FHIT: variants seen among roughly 807,000 people sequenced by gnomAD.
FHIT encodes the protein fragile histidine triad diadenosine triphosphatase, also known as bis(5'-adenosyl)-triphosphatase.
In FHIT, 19 loss-of-function variants were observed where a neutral mutation model predicts 17.9. The ratio of observed to expected loss-of-function variants is 1.06; its 90% CI spans 0.74 to 1.56. The LOEUF is 1.56. FHIT is among the 40% of genes most tolerant of loss of function. FHIT has a pLI of 0.00. For synonymous variants in FHIT, 81 were observed against 69.7 expected (o/e 1.16, Z -0.81); for missense variants, 248 against 189.2 (o/e 1.31, Z -1.82).
chr3:60,281,752 A>C (rs1707465847), intron 5 of FHIT, among the ~76,000 whole-genome samples: 1 of 152,204 alleles, frequency 6.6e-6, no homozygotes. Context: ...ACAGGGAAAA[A>C]TACTAGATTT....
At chr3:59,779,161 A>G (rs934834586) in intron 8 of FHIT, among the ~76,000 whole-genome samples, 1 of 152,166 alleles carries the variant, frequency 6.6e-6, no homozygotes, top group South Asian at 2.1e-4. Flanking sequence ...CATTGGCCAT[A>G]TATTTGTTGG....
At position 60,421,156 on chromosome 3, in the gene FHIT, T is replaced by C. The variant is rs185693837; in HGVS notation, c.103+115704A>G. Among the ~76,000 whole-genome samples the C allele has an allele frequency of 3.4e-3, 515 of 152,168 alleles. 1 individual carries two copies. The highest frequency in any genetic ancestry group is 8.5e-3 in the Admixed American group (130 of 15,264). Reference sequence around the variant, plus strand: ...ATATTGCTCAGTGGTTTGGGACCCATTTATTTCTACTGCCTCTATCCATCT... The same window carrying C: ...ATATTGCTCAGTGGTTTGGGACCCACTTATTTCTACTGCCTCTATCCATCT... On this transcript the variant is annotated intron_variant, in intron 5 of 9. Coordinates refer to ENST00000492590, the MANE Select transcript of FHIT (RefSeq NM_002012.4).
intron 5 of FHIT, among the ~76,000 whole-genome samples, chr3:60,531,288 T>C (rs1480572711): frequency 6.8e-6 from 1 of 146,764 alleles, no homozygotes; most frequent in Non-Finnish European, 1.5e-5. Context: ...TTTTTTTTTT[T>C]TTTTTTTTGA....
At chr3:60,496,015 G>A (rs1214723479) in intron 5 of FHIT, among the ~76,000 whole-genome samples, 1 of 151,976 alleles carries the variant, frequency 6.6e-6, no homozygotes, top group Admixed American at 6.6e-5. Flanking sequence ...ATGATATCAA[G>A]GCACATATGG....
intron 5 of FHIT, among the ~76,000 whole-genome samples, chr3:60,469,642 A>G (rs1356835563): frequency 6.6e-6 from 1 of 151,484 alleles, no homozygotes; most frequent in East Asian, 2.0e-4. Flanking sequence ...CTCTCTCTCC[A>G]GGATTGGCTA....
chr3:60,818,769 A>G (rs1553738413), intron 4 of FHIT, among the ~76,000 whole-genome samples: 1 of 152,114 alleles, frequency 6.6e-6, no homozygotes, highest in Admixed American at 6.5e-5. Context: ...CAAGATTCTG[A>G]ATTCATTTTC....
At chr3:60,504,601 T>C (rs1188778587) in intron 5 of FHIT, among the ~76,000 whole-genome samples, 1 of 152,158 alleles carries the variant, frequency 6.6e-6, no homozygotes, top group African/African-American at 2.4e-5. Flanking sequence ...AGGAGTCTCA[T>C]GAAGCTTTGA....
At chr3:60,591,599 A>C (rs1439524002) in intron 4 of FHIT, among the ~76,000 whole-genome samples, 1 of 152,094 alleles carries the variant, frequency 6.6e-6, no homozygotes, top group Admixed American at 6.6e-5. Context: ...TTCAAAATCC[A>C]GGTACATTCA....
intron 5 of FHIT, among the ~76,000 whole-genome samples, chr3:60,333,714 A>G (rs943539491): frequency 1.3e-5 from 2 of 152,198 alleles, no homozygotes; most frequent in Non-Finnish European, 2.9e-5. Flanking sequence ...TTATTTTAAT[A>G]AACATAGAAA....
At chr3:59,840,120 A>G (rs1452370693) in intron 8 of FHIT, among the ~76,000 whole-genome samples, 1 of 152,184 alleles carries the variant, frequency 6.6e-6, no homozygotes, top group Non-Finnish European at 1.5e-5. Context: ...TTTCCCTCTG[A>G]CTACAGGTAA....
intron 4 of FHIT, among the ~76,000 whole-genome samples, chr3:60,759,139 T>C (rs752833903): frequency 5.0e-4 from 76 of 152,050 alleles, no homozygotes; most frequent in Non-Finnish European, 9.6e-4. Context: ...AGGGACAAGA[T>C]GAATAGCCTC....
intron 8 of FHIT, among the ~76,000 whole-genome samples, chr3:59,860,849 A>G (rs575775738): frequency 8.5e-5 from 13 of 152,318 alleles, no homozygotes; most frequent in African/African-American, 3.1e-4. Flanking sequence ...AGAAGGTGGG[A>G]ATTATACATT....
intron 5 of FHIT, among the ~76,000 whole-genome samples, chr3:60,030,771 G>T (rs558337821): frequency 6.6e-6 from 1 of 152,048 alleles, no homozygotes; most frequent in African/African-American, 2.4e-5. Context: ...TGGGTGGGTG[G>T]TTTGAAAAAA....
chr3:60,643,260 A>T (rs1380070220), intron 4 of FHIT, among the ~76,000 whole-genome samples: 3 of 151,942 alleles, frequency 2.0e-5, no homozygotes, highest in Non-Finnish European at 4.4e-5. Flanking sequence ...CACAGCATTA[A>T]ATTACTGGAA....
chr3:60,253,820 A>G (rs557725519), intron 5 of FHIT, among the ~76,000 whole-genome samples: 1 of 152,352 alleles, frequency 6.6e-6, no homozygotes, highest in South Asian at 2.1e-4. Flanking sequence ...AAAACGTGGT[A>G]TCCTTCTCCA....
intron 2 of FHIT, among the ~76,000 whole-genome samples, chr3:61,173,519 T>C (rs1316028397): frequency 6.6e-6 from 1 of 152,200 alleles, no homozygotes; most frequent in African/African-American, 2.4e-5. Flanking sequence ...AGGATAGCAT[T>C]TCACTGTATT....
chr3:60,958,358 T>C (rs1456500453), intron 3 of FHIT, among the ~76,000 whole-genome samples: 1 of 152,246 alleles, frequency 6.6e-6, no homozygotes, highest in Non-Finnish European at 1.5e-5. Context: ...GCAAGACTTA[T>C]GTTCCATTTT....
At chr3:60,368,859 T>C (rs1449158016) in intron 5 of FHIT, among the ~76,000 whole-genome samples, 3 of 152,300 alleles carry the variant, frequency 2.0e-5, no homozygotes, top group African/African-American at 7.2e-5. Context: ...AGTCTTTTTT[T>C]TCCTGTTTAG....
At chr3:59,968,754 C>T (rs1398450468) in intron 7 of FHIT, among the ~76,000 whole-genome samples, 5 of 152,166 alleles carry the variant, frequency 3.3e-5, no homozygotes, top group Non-Finnish European at 1.5e-5. Flanking sequence ...CACAAGCACT[C>T]AACGCTGCTA....
Sources: allele counts gnomAD v4.1 joint callset (sites outside exome capture counted in the v4.1 genomes callset), GRCh38; gene constraint gnomAD v4.1.1; transcripts MANE v1.5; gene names NCBI Gene and HGNC (gene_info 2026-07-23, HGNC 2026-07-21).